ARHGAP29: variants seen among roughly 807,000 people sequenced by gnomAD.
ARHGAP29 encodes the protein Rho GTPase activating protein 29.
In ARHGAP29, 43 loss-of-function variants were observed where a neutral mutation model predicts 122.6. The observed-to-expected ratio is 0.35, with a 90% confidence interval of 0.27 to 0.45. The LOEUF is 0.45. ARHGAP29 is among the 20% of genes least tolerant of loss of function. The pLI is 1.00. For synonymous variants in ARHGAP29, 506 were observed against 497.1 expected (o/e 1.02, Z -0.24); for missense variants, 1,303 against 1,477.2 (o/e 0.88, Z 1.93).
intron 19 of ARHGAP29, among the ~76,000 whole-genome samples, chr1:94,181,115 C>T (rs1044743619): frequency 2.6e-5 from 4 of 152,212 alleles, no homozygotes; most frequent in African/African-American, 9.6e-5. Flanking sequence ...AGCATTACTT[C>T]ATAAGCTGAA....
At chr1:94,178,857 A>G (rs1418779647) in intron 20 of ARHGAP29, among the ~76,000 whole-genome samples, 2 of 152,090 alleles carry the variant, frequency 1.3e-5, no homozygotes, top group African/African-American at 4.8e-5. Flanking sequence ...CAGCCTAACC[A>G]ATTCACTTAT....
At chr1:94,223,214 G>C (rs1212605901) in intron 2 of ARHGAP29, among the ~76,000 whole-genome samples, 1 of 152,184 alleles carries the variant, frequency 6.6e-6, no homozygotes. Flanking sequence ...AAAGTGCTGG[G>C]ATTACAGGCG....
At chr1:94,203,286 C>G in intron 8 of ARHGAP29, 76 bp from the exon 9 acceptor site, 1 of 991,460 alleles carries the variant, frequency 1.0e-6, no homozygotes, top group Non-Finnish European at 1.4e-6. Flanking sequence ...TACCCTTCTT[C>G]AAAAAGGGAA....
At chr1:94,201,652 T>G in intron 12 of ARHGAP29, 68 bp downstream of exon 12, 1 of 1,586,010 alleles carries the variant, frequency 6.3e-7, no homozygotes, top group Non-Finnish European at 8.6e-7. Flanking sequence ...GGATTACAGG[T>G]GTGAGCCACC....
intron 3 of ARHGAP29, among the ~76,000 whole-genome samples, chr1:94,210,179 T>C (rs1452257430): frequency 6.6e-6 from 1 of 152,190 alleles, no homozygotes; most frequent in Non-Finnish European, 1.5e-5. Context: ...GGGCTGGGTA[T>C]AAAGAGTAAC....
At chr1:94,199,129 A>G (rs2101487124) in intron 12 of ARHGAP29, among the ~76,000 whole-genome samples, 1 of 152,288 alleles carries the variant, frequency 6.6e-6, no homozygotes, top group African/African-American at 2.4e-5. Flanking sequence ...ATTAGGAGAA[A>G]CACCTAATGT....
chr1:94,239,510 G>A (rs145503435), upstream of ARHGAP29, among the ~76,000 whole-genome samples: 1 of 151,964 alleles, frequency 6.6e-6, no homozygotes, highest in African/African-American at 2.4e-5. Context: ...GAAAAGCAGG[G>A]AAAGAGAGAC....
At position 94,206,581 on chromosome 1, in the gene ARHGAP29, G is replaced by C. The variant is rs572413770; in HGVS notation, c.511-898C>G. Among the ~76,000 whole-genome samples the C allele has an allele frequency of 2.6e-5, 4 of 152,262 alleles. No individual in the cohort carries two copies. In the South Asian group the frequency reaches 8.3e-4, roughly 32 times the overall value. ...TGATGTAGGCCTAGCGCAAGGCATG[G>C]TACATAGTAACCACTATTAAACATA... On this transcript the variant is annotated intron_variant, in intron 5 of 22. Coordinates refer to ENST00000260526, the MANE Select transcript of ARHGAP29 (RefSeq NM_004815.4).
intron 1 of ARHGAP29, among the ~76,000 whole-genome samples, chr1:94,263,010 G>A (rs559755569): frequency 1.6e-4 from 24 of 152,194 alleles, no homozygotes; most frequent in African/African-American, 5.3e-4. Context: ...CCCATCAACG[G>A]TAATCTGGAT....
At chr1:94,240,602 GT>G (rs1653537476), upstream of ARHGAP29, among the ~76,000 whole-genome samples, 1 of 152,160 alleles carries the variant, frequency 6.6e-6, no homozygotes, top group African/African-American at 2.4e-5. Flanking sequence ...AATAGCTTAA[GT>G]TTTTCAACAA....
At chr1:94,242,299 T>A (rs748198022), upstream of ARHGAP29, among the ~76,000 whole-genome samples, 2 of 152,116 alleles carry the variant, frequency 1.3e-5, no homozygotes, top group Non-Finnish European at 2.9e-5. Context: ...ACATCTAACC[T>A]AGCTTTAGTG....
intron 1 of ARHGAP29, among the ~76,000 whole-genome samples, chr1:94,248,450 T>G (rs1402348768): frequency 6.6e-6 from 1 of 152,198 alleles, no homozygotes; most frequent in Non-Finnish European, 1.5e-5. Context: ...CATTTATATA[T>G]AATATATATT....
At chr1:94,236,556 C>T (rs1231897451) in intron 1 of ARHGAP29, among the ~76,000 whole-genome samples, 2 of 152,100 alleles carry the variant, frequency 1.3e-5, no homozygotes, top group Non-Finnish European at 2.9e-5. Flanking sequence ...ATCCTGCCCT[C>T]CGAAAACATT....
chr1:94,243,872 T>C (rs928370311), intron 1 of ARHGAP29, among the ~76,000 whole-genome samples: 2 of 150,978 alleles, frequency 1.3e-5, no homozygotes, highest in Admixed American at 1.3e-4. Context: ...GACACAAGGA[T>C]AAAAGGATAC....
intron 3 of ARHGAP29, among the ~76,000 whole-genome samples, chr1:94,217,969 T>A (rs1652055530): frequency 6.6e-6 from 1 of 152,214 alleles, no homozygotes; most frequent in Non-Finnish European, 1.5e-5. Context: ...TGTACATTTA[T>A]AGGTTTTAAA....
the ARHGAP29 span, among the ~76,000 whole-genome samples, chr1:94,305,835 C>T: frequency 6.6e-6 from 1 of 152,084 alleles, no homozygotes; most frequent in African/African-American, 2.4e-5. Flanking sequence ...ACTGTCTTAC[C>T]TCAAAGTTCA....
At chr1:94,205,008 A>T in intron 7 of ARHGAP29, 53 bp downstream of exon 7, 1 of 1,455,374 alleles carries the variant, frequency 6.9e-7, no homozygotes, top group Admixed American at 2.6e-5. Flanking sequence ...AAAATGAGTT[A>T]GAAACAACTT....
intron 2 of ARHGAP29, among the ~76,000 whole-genome samples, chr1:94,228,959 G>T (rs190527532): frequency 6.6e-6 from 1 of 151,922 alleles, no homozygotes; most frequent in Non-Finnish European, 1.5e-5. Flanking sequence ...TTATTCTTAA[G>T]AGCTGCCTTT....
In ARHGAP29 at chr1:94,237,506, C is replaced by G; in HGVS notation, c.-124G>C. On this transcript the variant is annotated 5_prime_UTR_variant, in exon 1 of 23. Transcript: ENST00000260526. ...GAGGGCTGGAGCTCGCTGCCCCCAT[C>G]CCCCACGGCCTGCGGACGCCCGGCC... is the stretch of plus-strand genomic sequence containing the variant. The G allele has an allele frequency of 5.1e-6, 5 of 989,172 alleles. No homozygotes were observed. Among genetic ancestry groups the G allele is most frequent in the African/African-American group, 1.7e-5 (1 of 57,338 alleles). 61.3% of individuals were successfully genotyped at this position (989,172 alleles called of 1,614,324 possible).
Sources: gnomAD v4.1 joint callset for allele counts (sites outside exome capture counted in the v4.1 genomes callset) on GRCh38, gnomAD v4.1.1 for gene constraint, MANE v1.5 for transcripts, NCBI Gene and HGNC (gene_info 2026-07-23, HGNC 2026-07-21) for gene names.